MMP26: variants seen among roughly 807,000 people sequenced by gnomAD.
MMP26 encodes the protein matrix metalloproteinase-26.
A neutral mutation model predicts 31.0 loss-of-function variants in MMP26; 33 were observed. The ratio of observed to expected loss-of-function variants is 1.06; its 90% CI spans 0.81 to 1.42. The LOEUF is 1.42. Among genes scored for constraint, MMP26 ranks in the 40% most tolerant of loss-of-function variants. The pLI is 0.00. For synonymous variants in MMP26, 122 were observed against 114.9 expected, an observed-to-expected ratio of 1.06 and a Z score of -0.40; for missense variants, 347 against 316.1, an observed-to-expected ratio of 1.10 and a Z score of -0.74.
At chr11:4,772,249 C>T (rs1848735162) in intron 2 of MMP26, among the ~76,000 whole-genome samples, 1 of 152,072 alleles carries the variant, frequency 6.6e-6, no homozygotes, top group Non-Finnish European at 1.5e-5. Flanking sequence ...GGAAAATAAA[C>T]CAAATTATGC....
In MMP26 at chr11:4,809,419, G is replaced by A. The variant is rs147877218; in HGVS notation, c.-145+42078G>A. 3.3e-5 allele frequency among the ~76,000 whole-genome samples: 5 copies of A among 152,300 alleles called. No individual in the cohort carries two copies. In the East Asian group the frequency reaches 9.6e-4, roughly 29 times the overall value. Reference sequence around the variant, plus strand: ...GCTCAGTTTTCACCTGTCAGACTGGGTTTGATTCCAACTATAACACCCACT... The same window carrying A: ...GCTCAGTTTTCACCTGTCAGACTGGATTTGATTCCAACTATAACACCCACT... On this transcript the variant is annotated intron_variant, in intron 2 of 7. Coordinates refer to ENST00000380390, the MANE Select transcript of MMP26 (RefSeq NM_021801.5).
chr11:4,738,201 C>T (rs1848267058), intron 1 of MMP26, among the ~76,000 whole-genome samples: 1 of 152,146 alleles, frequency 6.6e-6, no homozygotes, highest in Non-Finnish European at 1.5e-5. Context: ...TTCCTTCTTA[C>T]CTCTCTTGCT....
intron 2 of MMP26, among the ~76,000 whole-genome samples, chr11:4,858,512 C>T (rs1364691292): frequency 6.6e-6 from 1 of 152,122 alleles, no homozygotes; most frequent in Non-Finnish European, 1.5e-5. Context: ...ATCCAACTTA[C>T]AAGGGATGTG....
At chr11:4,723,124 G>C (rs555279002) in intron 1 of MMP26, 1 of 1,580,176 alleles carries the variant, frequency 6.3e-7, no homozygotes, top group African/African-American at 1.3e-5. Flanking sequence ...CCTCCAGCTC[G>C]GACAGCTTGG....
At chr11:4,985,504 A>G (rs973731843) in intron 2 of MMP26, among the ~76,000 whole-genome samples, 2 of 152,114 alleles carry the variant, frequency 1.3e-5, no homozygotes, top group Non-Finnish European at 2.9e-5. Flanking sequence ...ACATTCCATT[A>G]TTTACCCATG....
intron 2 of MMP26, among the ~76,000 whole-genome samples, chr11:4,852,377 A>G (rs182648894): frequency 1.7e-4 from 26 of 152,314 alleles, no homozygotes; most frequent in Non-Finnish European, 3.2e-4. Context: ...ACTCTCCACA[A>G]TAGCAGACTG....
At chr11:4,867,882 C>T (rs766163901) in intron 2 of MMP26, among the ~76,000 whole-genome samples, 1 of 151,990 alleles carries the variant, frequency 6.6e-6, no homozygotes, top group Non-Finnish European at 1.5e-5. Context: ...CCGAGAAATC[C>T]CATTACTGGG....
chr11:4,730,447 G>A (rs1848159737), intron 1 of MMP26, among the ~76,000 whole-genome samples: 1 of 127,816 alleles, frequency 7.8e-6, no homozygotes, highest in African/African-American at 3.3e-5. Context: ...AGCATTGAGA[G>A]TGATAGGTGA....
At chr11:4,798,017 A>G (rs1410602299) in intron 2 of MMP26, among the ~76,000 whole-genome samples, 1 of 152,244 alleles carries the variant, frequency 6.6e-6, no homozygotes, top group Non-Finnish European at 1.5e-5. Context: ...TTGACTTCAC[A>G]TGCTGAAATG....
chr11:4,827,030 C>T (rs1241380386), intron 2 of MMP26, among the ~76,000 whole-genome samples: 1 of 152,020 alleles, frequency 6.6e-6, no homozygotes, highest in Non-Finnish European at 1.5e-5. Flanking sequence ...TTTCATCATT[C>T]AGTGTCAGTC....
At chr11:4,943,347 TCA>T (rs1406976687) in intron 2 of MMP26, 2 of 349,832 alleles carry the variant, frequency 5.7e-6, no homozygotes, top group Non-Finnish European at 1.1e-5. Flanking sequence ...TTCAGTTTTC[TCA>T]GTTTTTCACT....
At chr11:4,803,953 A>G in intron 2 of MMP26, 3 of 1,613,608 alleles carry the variant, frequency 1.9e-6, no homozygotes, top group African/African-American at 1.3e-5. Context: ...TTTGATCACG[A>G]CCGATGGGGT....
intron 2 of MMP26, chr11:4,803,509 T>G: frequency 1.9e-6 from 3 of 1,613,796 alleles, no homozygotes; most frequent in Non-Finnish European, 2.5e-6. Flanking sequence ...AATGATGGGG[T>G]TGAGCATGGG....
chr11:4,942,553 A>G (rs1263624437), intron 2 of MMP26, among the ~76,000 whole-genome samples: 2 of 152,130 alleles, frequency 1.3e-5, no homozygotes, highest in African/African-American at 4.8e-5. Flanking sequence ...GTTATCTTCT[A>G]TTCCTTGGTT....
At chr11:4,936,613 A>G (rs1339277407) in intron 2 of MMP26, among the ~76,000 whole-genome samples, 2 of 152,166 alleles carry the variant, frequency 1.3e-5, no homozygotes, top group Non-Finnish European at 2.9e-5. Flanking sequence ...AGAAAAGATA[A>G]TCTCTAGAGA....
intron 2 of MMP26, among the ~76,000 whole-genome samples, chr11:4,808,513 G>A (rs921932211): frequency 1.3e-5 from 2 of 151,988 alleles, no homozygotes; most frequent in Admixed American, 1.3e-4. Flanking sequence ...AATGTATTCT[G>A]CCCATGAGCC....
At chr11:4,732,663 T>G (rs1848189112) in intron 1 of MMP26, among the ~76,000 whole-genome samples, 1 of 152,192 alleles carries the variant, frequency 6.6e-6, no homozygotes, top group African/African-American at 2.4e-5. Flanking sequence ...ATCTACTTTT[T>G]GTCTCTATAG....
At chr11:4,959,217 G>A (rs1330562155) in intron 2 of MMP26, among the ~76,000 whole-genome samples, 5 of 134,904 alleles carry the variant, frequency 3.7e-5, no homozygotes, top group South Asian at 4.9e-4. Flanking sequence ...TAGCCTGGGC[G>A]ACAGAGAGAA....
chr11:4,798,361 C>T (rs934978358), intron 2 of MMP26, among the ~76,000 whole-genome samples: 1 of 152,226 alleles, frequency 6.6e-6, no homozygotes, highest in African/African-American at 2.4e-5. Flanking sequence ...CAAGGTGGGA[C>T]TACAGGACCT....
Sources: gnomAD v4.1 joint callset for allele counts (sites outside exome capture counted in the v4.1 genomes callset) on GRCh38, gnomAD v4.1.1 for gene constraint, MANE v1.5 for transcripts, NCBI Gene and HGNC (gene_info 2026-07-23, HGNC 2026-07-21) for gene names.